STXBP5L: variants seen among roughly 807,000 people sequenced by gnomAD.
STXBP5L encodes the protein syntaxin binding protein 5L, also known as syntaxin-binding protein 5-like.
In STXBP5L, 65 loss-of-function variants were observed where a neutral mutation model predicts 144.5. That is an observed-to-expected ratio of 0.45 (90% confidence interval 0.37 to 0.55). The LOEUF (loss-of-function observed/expected upper bound fraction) is 0.55. STXBP5L is among the 20% of genes least tolerant of loss of function. The probability of loss-of-function intolerance (pLI) is 0.00; values close to 1 mark genes in which losing one functional copy is unlikely to be tolerated. For synonymous variants in STXBP5L, 505 were observed against 469.6 expected (o/e 1.08, Z -0.97); for missense variants, 1,298 against 1,405.5 (o/e 0.92, Z 1.22).
At chr3:121,063,087 A>G (rs1055078067) in intron 5 of STXBP5L, among the ~76,000 whole-genome samples, 3 of 152,126 alleles carry the variant, frequency 2.0e-5, no homozygotes, top group African/African-American at 7.2e-5. Context: ...CAGAAGAGTC[A>G]TTCTGGTTCT....
At chr3:120,974,097 G>T (rs1291756034) in intron 3 of STXBP5L, among the ~76,000 whole-genome samples, 1 of 152,106 alleles carries the variant, frequency 6.6e-6, no homozygotes, top group Non-Finnish European at 1.5e-5. Flanking sequence ...TCTAGTTCTA[G>T]ATCCCTGAGG....
intron 5 of STXBP5L, among the ~76,000 whole-genome samples, chr3:121,098,107 A>G (rs1337672098): frequency 2.6e-5 from 4 of 152,234 alleles, no homozygotes; most frequent in Admixed American, 2.0e-4. Flanking sequence ...ATATCAAGAA[A>G]TGTGGAAAGC....
intron 11 of STXBP5L, among the ~76,000 whole-genome samples, chr3:121,230,001 T>A (rs1256172030): frequency 6.6e-6 from 1 of 152,184 alleles, no homozygotes; most frequent in East Asian, 1.9e-4. Flanking sequence ...TTGTTTCAGT[T>A]TTTATCGTAT....
intron 6 of STXBP5L, among the ~76,000 whole-genome samples, chr3:121,121,440 A>C (rs2044458478): frequency 6.6e-6 from 1 of 151,352 alleles, no homozygotes; most frequent in Non-Finnish European, 1.5e-5. Context: ...TTAAAGAAAA[A>C]CATAAATAAG....
intron 19 of STXBP5L, among the ~76,000 whole-genome samples, chr3:121,281,109 C>T (rs993502329): frequency 6.6e-6 from 1 of 151,692 alleles, no homozygotes; most frequent in Non-Finnish European, 1.5e-5. Context: ...AATTTAACAT[C>T]CAAATGTGAT....
intron 9 of STXBP5L, among the ~76,000 whole-genome samples, chr3:121,186,891 A>T (rs536665250): frequency 6.6e-6 from 1 of 152,134 alleles, no homozygotes; most frequent in Non-Finnish European, 1.5e-5. Flanking sequence ...TTAGAATGGC[A>T]ATCATTAAAA....
intron 11 of STXBP5L, among the ~76,000 whole-genome samples, chr3:121,229,428 A>G (rs764725968): frequency 1.3e-5 from 2 of 152,158 alleles, no homozygotes; most frequent in Non-Finnish European, 2.9e-5. Context: ...ACAGAATTAT[A>G]TATCAATTGG....
chr3:121,123,473 A>T lies in STXBP5L; in HGVS notation c.669+1769A>T, dbSNP rs544268147. The stretch of plus-strand genomic sequence containing the variant: ...GTGTTGATATGGAAAGTTCTTTAAG[A>T]CGCATTTTTTAAAAGAAAAGTTGCA... On this transcript the variant is annotated intron_variant, in intron 7 of 26. Coordinates refer to ENST00000471454, the MANE Select transcript of STXBP5L (RefSeq NM_001308330.2). Among the ~76,000 whole-genome samples the T allele has an allele frequency of 1.1e-3, 168 of 151,790 alleles. 1 individual carries two copies. The highest frequency in any genetic ancestry group is 0.01 in the Middle Eastern group (3 of 294).
intron 3 of STXBP5L, among the ~76,000 whole-genome samples, chr3:121,023,758 C>G (rs1415135766): frequency 6.6e-6 from 1 of 152,056 alleles, no homozygotes; most frequent in East Asian, 1.9e-4. Context: ...AAATCTAAGA[C>G]CTGACACCAT....
intron 11 of STXBP5L, among the ~76,000 whole-genome samples, chr3:121,227,667 G>A (rs1283507281): frequency 6.6e-6 from 1 of 152,006 alleles, no homozygotes; most frequent in Admixed American, 6.6e-5. Flanking sequence ...CAATAACTGT[G>A]GATGACAAAA....
intron 3 of STXBP5L, among the ~76,000 whole-genome samples, chr3:120,976,839 A>T (rs375444248): frequency 1.3e-5 from 2 of 152,002 alleles, no homozygotes; most frequent in Non-Finnish European, 2.9e-5. Flanking sequence ...TTCAGTTTCC[A>T]TGTAGTTGAG....
At chr3:120,992,675 A>G (rs1943020355) in intron 3 of STXBP5L, among the ~76,000 whole-genome samples, 1 of 152,052 alleles carries the variant, frequency 6.6e-6, no homozygotes, top group Non-Finnish European at 1.5e-5. Context: ...TTTTGTATAT[A>G]TACCACATTT....
At chr3:121,121,584 A>G (rs2044466565) in intron 6 of STXBP5L, 57 bp from the exon 7 acceptor site, 1 of 1,226,440 alleles carries the variant, frequency 8.2e-7, no homozygotes, top group African/African-American at 1.5e-5. Context: ...TTCAGTCTCT[A>G]GTGGTAAGGT....
At chr3:121,215,390 C>A (rs761891277) in intron 10 of STXBP5L, among the ~76,000 whole-genome samples, 31 of 152,270 alleles carry the variant, frequency 2.0e-4, no homozygotes, top group Non-Finnish European at 4.3e-4. Flanking sequence ...TCTTGTAAGG[C>A]AGGCCTTGTG....
intron 2 of STXBP5L, among the ~76,000 whole-genome samples, chr3:120,950,244 G>T (rs1301781029): frequency 6.6e-6 from 1 of 151,956 alleles, no homozygotes; most frequent in Non-Finnish European, 1.5e-5. Context: ...TGTGGATATA[G>T]AGTTGCTACA....
At chr3:121,345,479 A>G (rs35239790) in intron 20 of STXBP5L, among the ~76,000 whole-genome samples, 116,816 of 152,042 alleles carry the variant, frequency 0.77, 45,018 homozygotes, top group East Asian at 0.93. Context: ...ACGTGTGCAT[A>G]TGTCTTCATA....
intron 22 of STXBP5L, among the ~76,000 whole-genome samples, chr3:121,397,204 G>A (rs1485451661): frequency 1.3e-5 from 2 of 152,214 alleles, no homozygotes; most frequent in Non-Finnish European, 2.9e-5. Flanking sequence ...TAAGGGGATA[G>A]TAAAGAAACG....
At position 121,175,191 on chromosome 3, in the gene STXBP5L, C is replaced by A. The variant is rs537318157; in HGVS notation, c.877+17564C>A. On this transcript the variant is annotated intron_variant, in intron 9 of 26. Coordinates refer to ENST00000471454, the MANE Select transcript of STXBP5L (RefSeq NM_001308330.2). ...ACAAACTGTAGGAGACAGATTCTCT[C>A]TGGGGAACAAAGACTGAGAAAAACC... Among the ~76,000 whole-genome samples, 4 of 152,212 alleles carry A rather than the reference C, an allele frequency of 2.6e-5. No individual in the cohort carries two copies. The East Asian group carries it at 7.7e-4, about 29-fold the overall frequency.
intron 4 of STXBP5L, among the ~76,000 whole-genome samples, chr3:121,044,083 T>A (rs1947344256): frequency 6.6e-6 from 1 of 152,204 alleles, no homozygotes; most frequent in Non-Finnish European, 1.5e-5. Context: ...TCAAGGCTTA[T>A]ATATAGAATA....
Sources: allele counts gnomAD v4.1 joint callset (sites outside exome capture counted in the v4.1 genomes callset), GRCh38; gene constraint gnomAD v4.1.1; transcripts MANE v1.5; gene names NCBI Gene and HGNC (gene_info 2026-07-23, HGNC 2026-07-21).